The following KLHL18 variants were observed in gnomAD, a reference collection of about 807,000 sequenced individuals.
KLHL18 encodes the protein kelch like family member 18, also known as kelch-like protein 18.
A neutral mutation model predicts 58.5 loss-of-function variants in KLHL18; 38 were observed. The observed-to-expected ratio is 0.65, with a 90% CI of 0.50 to 0.85. KLHL18 has a LOEUF of 0.85. KLHL18 is among the 40% of genes least tolerant of loss of function. The probability of loss-of-function intolerance (pLI) is 0.00; values close to 1 mark genes in which losing one functional copy is unlikely to be tolerated. For synonymous variants in KLHL18, 303 were observed against 301.9 expected, an observed-to-expected ratio of 1.00 and a Z score of -0.04; for missense variants, 624 against 778.4, an observed-to-expected ratio of 0.80 and a Z score of 2.36.
At chr3:47,324,600 A>G (rs1703671965) in intron 3 of KLHL18, among the ~76,000 whole-genome samples, 1 of 152,020 alleles carries the variant, frequency 6.6e-6, no homozygotes, top group Non-Finnish European at 1.5e-5. Context: ...TGGGAGGCCA[A>G]GGCAGGAGGA....
intron 1 of KLHL18, among the ~76,000 whole-genome samples, chr3:47,295,344 A>C (rs541780892): frequency 1.3e-5 from 2 of 152,156 alleles, no homozygotes; most frequent in South Asian, 2.1e-4. Flanking sequence ...CCTCTCTGCT[A>C]TTCTACCCTG....
intron 1 of KLHL18, among the ~76,000 whole-genome samples, chr3:47,299,026 C>T (rs767061533): frequency 2.0e-5 from 3 of 152,118 alleles, no homozygotes; most frequent in Admixed American, 6.5e-5. Context: ...AACTTGTTTC[C>T]ATTTCTCTGT....
chr3:47,328,121 T>C (rs1035263564), intron 3 of KLHL18, among the ~76,000 whole-genome samples: 2 of 152,084 alleles, frequency 1.3e-5, no homozygotes, highest in Non-Finnish European at 2.9e-5. Context: ...TCCCAGCACT[T>C]TGGGAGGCCA....
Position 47,342,717 on chromosome 3 carries a change from A to T in KLHL18, c.1227-2A>T. 3 of 1,613,496 alleles carry T rather than the reference A, an allele frequency of 1.9e-6. No individual in the cohort carries two copies. Among genetic ancestry groups the T allele is most frequent in the Non-Finnish European group, 2.5e-6 (3 of 1,179,430 alleles). ...CCCTCCTATTTTGACTCTTTCCTGA[A>T]GATGGACAGTGGTGACCTCGATGAG... is the stretch of plus-strand genomic sequence containing the variant. On this transcript the variant is annotated splice_acceptor_variant, in intron 8 of 9. Coordinates refer to ENST00000232766, the MANE Select transcript of KLHL18 (RefSeq NM_025010.5). LOFTEE classifies it high-confidence loss of function.
rs1490970140 is a variant in KLHL18 at position 47,343,874 on chromosome 3, T to C, written c.1658T>C (p.Phe553Ser). Residue 553 changes from phenylalanine to serine, a missense_variant, in exon 10 of 10, where the codon TTC (phenylalanine) becomes TCC (serine). Coordinates refer to ENST00000232766, the MANE Select transcript of KLHL18 (RefSeq NM_025010.5). The part of the protein sequence containing the change: ...MYDPETDCWT[F>S]MAPMACHEGG... The stretch of plus-strand genomic sequence containing the variant: ...GACCCAGAGACAGACTGCTGGACAT[T>C]CATGGCCCCCATGGCGTGCCATGAG... 1 of 1,614,010 alleles carries C rather than the reference T, an allele frequency of 6.2e-7. No individual in the cohort carries two copies. The highest frequency in any genetic ancestry group is 8.5e-7 in the Non-Finnish European group (1 of 1,180,012).
chr3:47,324,440 A>T (rs1368838702), intron 3 of KLHL18, among the ~76,000 whole-genome samples: 1 of 150,850 alleles, frequency 6.6e-6, no homozygotes, highest in Non-Finnish European at 1.5e-5. Flanking sequence ...AATCTTCACC[A>T]ATGGACAACA....
intron 3 of KLHL18, 28 bp from the exon 4 acceptor site, chr3:47,329,923 A>ATTTTTT: frequency 1.4e-6 from 2 of 1,451,854 alleles, no homozygotes; most frequent in South Asian, 1.2e-5. Flanking sequence ...TCTTCCTCTA[A>ATTTTTT]TTTTTTTTTT....
intron 1 of KLHL18, among the ~76,000 whole-genome samples, chr3:47,299,108 T>C (rs1479052202): frequency 1.3e-5 from 2 of 152,254 alleles, no homozygotes; most frequent in African/African-American, 4.8e-5. Context: ...ATTGTCAAAC[T>C]ATTTTCCAGA....
At chr3:47,316,170 G>A (rs1703416876) in intron 1 of KLHL18, among the ~76,000 whole-genome samples, 1 of 152,098 alleles carries the variant, frequency 6.6e-6, no homozygotes, top group Admixed American at 6.5e-5. Context: ...CTGAAATAAT[G>A]TCTGTAGATT....
intron 1 of KLHL18, among the ~76,000 whole-genome samples, chr3:47,293,332 C>A (rs910698711): frequency 5.9e-5 from 9 of 152,254 alleles, no homozygotes; most frequent in African/African-American, 2.2e-4. Flanking sequence ...AGACTTGTTA[C>A]CAGGTGGGCA....
At chr3:47,289,363 A>G (rs916393819) in intron 1 of KLHL18, among the ~76,000 whole-genome samples, 4 of 152,180 alleles carry the variant, frequency 2.6e-5, no homozygotes, top group East Asian at 1.9e-4. Flanking sequence ...TCCATGGGTG[A>G]AAGGTACAGT....
chr3:47,297,549 C>T (rs1200352772), intron 1 of KLHL18: 4 of 456,496 alleles, frequency 8.8e-6, no homozygotes, highest in Non-Finnish European at 1.8e-5. Flanking sequence ...TTTTCTTGAG[C>T]TTTTTACTTC....
intron 4 of KLHL18, 56 bp from the exon 5 acceptor site, chr3:47,333,101 G>A: frequency 6.4e-7 from 1 of 1,567,696 alleles, no homozygotes. Flanking sequence ...TTGGAGGCCT[G>A]GGGTGTGGCC....
chr3:47,341,104 A>G (rs1704099871), intron 8 of KLHL18, among the ~76,000 whole-genome samples: 1 of 152,150 alleles, frequency 6.6e-6, no homozygotes, highest in Non-Finnish European at 1.5e-5. Flanking sequence ...TTTCCATAAG[A>G]TATATTAACA....
At chr3:47,307,591 T>C (rs963688827) in intron 1 of KLHL18, among the ~76,000 whole-genome samples, 2 of 151,978 alleles carry the variant, frequency 1.3e-5, no homozygotes, top group Non-Finnish European at 2.9e-5. Context: ...GGTCTTGCCA[T>C]GTTGCCCATG....
At chr3:47,321,099 T>C (rs1703574309) in intron 2 of KLHL18, among the ~76,000 whole-genome samples, 1 of 152,112 alleles carries the variant, frequency 6.6e-6, no homozygotes, top group Non-Finnish European at 1.5e-5. Flanking sequence ...TGAGCACAGC[T>C]CTATCAAATA....
intron 3 of KLHL18, among the ~76,000 whole-genome samples, chr3:47,327,863 AC>A (rs1703761778): frequency 6.6e-6 from 1 of 152,194 alleles, no homozygotes; most frequent in Admixed American, 6.5e-5. Flanking sequence ...AATAAATATA[AC>A]CCTGTGCCTA....
chr3:47,306,640 T>C (rs1355708779), intron 1 of KLHL18, among the ~76,000 whole-genome samples: 2 of 152,246 alleles, frequency 1.3e-5, no homozygotes, highest in Admixed American at 1.3e-4. Context: ...GGTATATAGC[T>C]AGGAGTTAAA....
At chr3:47,343,467 T>G in intron 9 of KLHL18, 88 bp from the exon 10 acceptor site, 2 of 1,472,892 alleles carry the variant, frequency 1.4e-6, no homozygotes, top group Non-Finnish European at 1.9e-6. Context: ...TTTGACATCA[T>G]GGGGGGCTGC....
Sources: gnomAD v4.1 joint callset for allele counts (sites outside exome capture counted in the v4.1 genomes callset) on GRCh38, gnomAD v4.1.1 for gene constraint, MANE v1.5 for transcripts, NCBI Gene and HGNC (gene_info 2026-07-23, HGNC 2026-07-21) for gene names.